ARHGEF9: variants seen among roughly 807,000 people sequenced by gnomAD.
ARHGEF9 encodes the protein rho guanine nucleotide exchange factor 9.
ARHGEF9 carries 2 observed loss-of-function variants against 41.3 expected under a neutral mutation model. That is an observed-to-expected ratio of 0.05 (90% CI 0.02 to 0.15). The LOEUF (loss-of-function observed/expected upper bound fraction) is 0.15. ARHGEF9 is among the 10% of genes least tolerant of loss of function. ARHGEF9 has a pLI of 1.00. For synonymous variants in ARHGEF9, 160 were observed against 154.4 expected, an observed-to-expected ratio of 1.04 and a Z score of -0.27; for missense variants, 225 against 424.7, an observed-to-expected ratio of 0.53 and a Z score of 4.13.
chrX:63,713,140 G>C (rs1340376857), intron 2 of ARHGEF9: 1 of 111,792 alleles, frequency 8.9e-6, no homozygotes, highest in Non-Finnish European at 1.9e-5. Context: ...AAGCGGTATT[G>C]TCTAAATCTC....
At chrX:63,713,732 A>C (rs1225436077) in intron 2 of ARHGEF9, among the ~76,000 whole-genome samples, 4 of 107,397 alleles carry the variant, frequency 3.7e-5, no homozygotes, top group Non-Finnish European at 5.8e-5. Flanking sequence ...ACACACACAC[A>C]CCCAGTTTTG....
rs200721396 is a variant in ARHGEF9, at chrX:63,637,918, C to CTG, written c.*108_*109dup. Reference sequence around the variant, plus strand: ...TGTGTGTATGTGTACTCAAGGGTCTCTGTGTGTGTGTGTGTGTATAAATTT... The same window carrying CTG: ...TGTGTGTATGTGTACTCAAGGGTCTCTGTGTGTGTGTGTGTGTGTATAAATTT... On this transcript the variant is annotated 3_prime_UTR_variant, in exon 10 of 10. Transcript: ENST00000671741. 6.8e-3 allele frequency: 3,664 copies of CTG among 538,230 alleles called. 115 individuals carry two copies. In the Admixed American group the frequency reaches 0.1, roughly 15 times the overall value. 44.4% of individuals were successfully genotyped at this position (538,230 alleles called of 1,213,427 possible). A position where few individuals can be genotyped will look rare whatever the true frequency, so the allele number is the denominator to read the frequency against.
At chrX:63,703,078 T>G (rs1556397545) in intron 3 of ARHGEF9, 1 of 112,269 alleles carries the variant, frequency 8.9e-6, no homozygotes, top group Non-Finnish European at 1.9e-5. Flanking sequence ...ACTACTGTCT[T>G]CTGATCCAGC....
At chrX:63,715,089 C>A (rs781880909) in intron 2 of ARHGEF9, among the ~76,000 whole-genome samples, 1 of 110,200 alleles carries the variant, frequency 9.1e-6, no homozygotes, top group South Asian at 3.9e-4. Context: ...CCTTCCCAGT[C>A]AAGAAAACTA....
chrX:63,772,682 G>A (rs1556455617), intron 1 of ARHGEF9, among the ~76,000 whole-genome samples: 1 of 111,349 alleles, frequency 9.0e-6, no homozygotes. Context: ...ATTGACCACT[G>A]AACCACACTA....
chrX:63,767,348 C>A (rs1206011600), intron 1 of ARHGEF9: 2 of 655,824 alleles, frequency 3.0e-6, no homozygotes, highest in African/African-American at 4.4e-5. Flanking sequence ...ATTGAGTCAA[C>A]TTCTGAAGAA....
At chrX:63,705,629 A>G (rs782568606) in intron 3 of ARHGEF9, among the ~76,000 whole-genome samples, 1 of 111,367 alleles carries the variant, frequency 9.0e-6, no homozygotes, top group African/African-American at 3.3e-5. Context: ...AGGTTTGTCC[A>G]TCCAGCCTCC....
chrX:63,725,012 C>A (rs1247203881), intron 1 of ARHGEF9: 8 of 302,971 alleles, frequency 2.6e-5, no homozygotes, highest in Non-Finnish European at 4.6e-5. Context: ...TCCAGTCCAT[C>A]TCTCCTTGGT....
At chrX:63,674,545 G>C (rs1375061694) in intron 5 of ARHGEF9, among the ~76,000 whole-genome samples, 2 of 111,588 alleles carry the variant, frequency 1.8e-5, no homozygotes, top group East Asian at 2.8e-4. Context: ...AAGGATTCAG[G>C]GTGGGAGACT....
At chrX:63,739,643 G>A (rs1377375957) in intron 1 of ARHGEF9, among the ~76,000 whole-genome samples, 3 of 111,185 alleles carry the variant, frequency 2.7e-5, no homozygotes, top group Non-Finnish European at 5.7e-5. Context: ...CTGAGCCTCA[G>A]TATCCCCATT....
At chrX:63,783,565 A>T (rs782289846) in intron 1 of ARHGEF9, among the ~76,000 whole-genome samples, 1 of 111,749 alleles carries the variant, frequency 8.9e-6, no homozygotes. Flanking sequence ...TTTCAGGTAA[A>T]TTTAATGGCA....
intron 8 of ARHGEF9, among the ~76,000 whole-genome samples, chrX:63,652,404 A>G (rs1214228449): frequency 9.0e-6 from 1 of 111,465 alleles, no homozygotes; most frequent in African/African-American, 3.3e-5. Flanking sequence ...AATTATTTAC[A>G]TAGCATTTAC....
rs1370775779 is a variant in ARHGEF9 at position 63,635,809 on chromosome X, C to T, written c.*2219G>A. ...CTCGAAGAAGCATGTCAAGGCCAAG[C>T]CTAGTAAGGAGGAGTGAGAAGTTGG... On this transcript the variant is annotated 3_prime_UTR_variant, in exon 10 of 10. Coordinates refer to ENST00000671741, the MANE Select transcript of ARHGEF9 (RefSeq NM_001353921.2). The T allele has an allele frequency of 1.9e-5, 3 of 156,800 alleles. No homozygotes were observed. Among genetic ancestry groups the T allele is most frequent in the Non-Finnish European group, 3.5e-5 (3 of 85,600 alleles). 12.9% of individuals were successfully genotyped at this position (156,800 alleles called of 1,213,427 possible).
At chrX:63,724,386 T>G in intron 2 of ARHGEF9, 146 bp downstream of exon 2, 1 of 617,473 alleles carries the variant, frequency 1.6e-6, no homozygotes, top group Non-Finnish European at 2.5e-6. Context: ...GCCCAGGTTC[T>G]CTGTATGAGA....
Position 63,635,370 on chromosome X carries a change from A to G in ARHGEF9, c.*2658T>C, listed in dbSNP as rs1556296063. 1 of 521,923 alleles carries G rather than the reference A, an allele frequency of 1.9e-6. No individual in the cohort carries two copies. Among genetic ancestry groups the G allele is most frequent in the South Asian group, 2.5e-5 (1 of 39,697 alleles). The allele number at this position is 521,923 out of a possible 1,213,427, so 43.0% of individuals were successfully genotyped here. On this transcript the variant is annotated 3_prime_UTR_variant, in exon 10 of 10. Transcript: ENST00000671741. ...TGAACACACTAGCAAAGCCTTTTGGAGAGCAAATCCTGGCCTCACTGAGTT... is the reference window on the plus strand; with the variant it reads ...TGAACACACTAGCAAAGCCTTTTGGGGAGCAAATCCTGGCCTCACTGAGTT...
intron 1 of ARHGEF9, among the ~76,000 whole-genome samples, chrX:63,757,458 C>T (rs1324877512): frequency 8.9e-6 from 1 of 111,777 alleles, no homozygotes; most frequent in East Asian, 2.8e-4. Context: ...CCCACTCTTG[C>T]TGGTTTCCTT....
At chrX:63,678,265 G>A in intron 5 of ARHGEF9, 75 bp downstream of exon 5, 1 of 890,505 alleles carries the variant, frequency 1.1e-6, no homozygotes, top group Non-Finnish European at 1.6e-6. Flanking sequence ...AAGGGCAAAA[G>A]GACATGTATT....
intron 7 of ARHGEF9, chrX:63,657,110 T>A (rs1409283789): frequency 1.8e-5 from 2 of 112,224 alleles, no homozygotes; most frequent in Non-Finnish European, 3.8e-5. Flanking sequence ...AAGGCCCCTA[T>A]GAGTCCTGTC....
chrX:63,747,199 CT>C (rs2055327934), intron 1 of ARHGEF9, among the ~76,000 whole-genome samples: 1 of 112,083 alleles, frequency 8.9e-6, no homozygotes, highest in African/African-American at 3.3e-5. Context: ...CCTTATTTTG[CT>C]GATGAAGAAA....
Sources: allele counts gnomAD v4.1 joint callset (sites outside exome capture counted in the v4.1 genomes callset), GRCh38; gene constraint gnomAD v4.1.1; transcripts MANE v1.5; gene names NCBI Gene and HGNC (gene_info 2026-07-23, HGNC 2026-07-21).